APAF1: variants seen among roughly 807,000 people sequenced by gnomAD.
APAF1 encodes apoptotic protease-activating factor 1.
APAF1 carries 91 observed loss-of-function variants against 152.4 expected under a neutral mutation model. The observed-to-expected ratio is 0.60, with a 90% CI of 0.50 to 0.71. The LOEUF is 0.71. Among genes scored for constraint, APAF1 ranks in the 30% least tolerant of loss-of-function variants. The pLI is 0.00. For synonymous variants in APAF1, 484 were observed against 494.1 expected, an observed-to-expected ratio of 0.98 and a Z score of 0.27; for missense variants, 1,283 against 1,472.0, an observed-to-expected ratio of 0.87 and a Z score of 2.10.
At chr12:98,721,663 T>C (rs1253745489) in intron 22 of APAF1, among the ~76,000 whole-genome samples, 1 of 152,222 alleles carries the variant, frequency 6.6e-6, no homozygotes, top group African/African-American at 2.4e-5. Flanking sequence ...CAGTTCGTCT[T>C]CTAAAGTTCT....
intron 3 of APAF1, 145 bp downstream of exon 3, chr12:98,648,960 ATAT>A (rs2097645692): frequency 1.1e-6 from 1 of 879,942 alleles, no homozygotes; most frequent in Admixed American, 2.0e-5. Context: ...TTCAATTTAA[ATAT>A]TTTTTATTTG....
intron 15 of APAF1, 48 bp downstream of exon 15, chr12:98,683,322 C>T: frequency 6.3e-7 from 1 of 1,576,978 alleles, no homozygotes; most frequent in Non-Finnish European, 8.7e-7. Flanking sequence ...ATTCGTACAT[C>T]AGAGTATCTC....
intron 18 of APAF1, among the ~76,000 whole-genome samples, chr12:98,705,673 C>A (rs902805922): frequency 6.6e-6 from 1 of 152,098 alleles, no homozygotes; most frequent in African/African-American, 2.4e-5. Context: ...GATAAAATAC[C>A]AGGCTGCTGG....
intron 4 of APAF1, among the ~76,000 whole-genome samples, chr12:98,653,473 AT>A (rs2097651470): frequency 6.6e-6 from 1 of 150,764 alleles, no homozygotes; most frequent in South Asian, 2.1e-4. Flanking sequence ...CCTGGCCAAC[AT>A]GGTGAAACCC....
At chr12:98,673,461 A>AAAAAAAAAC (rs1565868653) in intron 12 of APAF1, among the ~76,000 whole-genome samples, 2 of 151,618 alleles carry the variant, frequency 1.3e-5, no homozygotes, top group African/African-American at 4.9e-5. Context: ...AAAAAACAAA[A>AAAAAAAAAC]AAAAAACCTT....
rs1387975195 is a variant in APAF1, at chr12:98,680,301, A to G, written c.1945A>G (p.Lys649Glu). Residue 649 changes from lysine (K) to glutamate (E), a missense_variant, in exon 14 of 27, where the codon AAA (lysine) becomes GAA (glutamate). Coordinates refer to ENST00000551964, the MANE Select transcript of APAF1 (RefSeq NM_181861.2). ...GGTGTTCAAAGCTGAAACAGGAGAG[A>G]AACTTCTAGAAATCAAGGCTCATGA... ...LQVFKAETGE[K>E]LLEIKAHEDE... 6.8e-6 allele frequency: 11 copies of G among 1,610,626 alleles called. No individual in the cohort carries two copies. The highest frequency in any genetic ancestry group is 1.7e-5 in the Admixed American group (1 of 59,672).
intron 19 of APAF1, among the ~76,000 whole-genome samples, chr12:98,708,293 G>A (rs2097724060): frequency 6.6e-6 from 1 of 152,174 alleles, no homozygotes; most frequent in Non-Finnish European, 1.5e-5. Context: ...ATAACCAGCA[G>A]GAGGTCTTTA....
chr12:98,666,947 A>G (rs1361665673), intron 9 of APAF1, among the ~76,000 whole-genome samples: 2 of 151,596 alleles, frequency 1.3e-5, no homozygotes, highest in African/African-American at 2.4e-5. Context: ...TGGCCTCCCA[A>G]AGTGCTGAGA....
At chr12:98,729,705 T>C (rs2097757384) in intron 26 of APAF1, among the ~76,000 whole-genome samples, 4 of 152,246 alleles carry the variant, frequency 2.6e-5, no homozygotes, top group Admixed American at 2.0e-4. Context: ...TAGGAGATGA[T>C]TCTCATTAAT....
chr12:98,652,778 C>T (rs1015190900), intron 4 of APAF1, among the ~76,000 whole-genome samples: 18 of 152,198 alleles, frequency 1.2e-4, no homozygotes, highest in African/African-American at 4.1e-4. Flanking sequence ...AGGCACCCAC[C>T]ACCACGCCTG....
At chr12:98,717,011 G>A (rs1265493779) in intron 22 of APAF1, among the ~76,000 whole-genome samples, 11 of 151,104 alleles carry the variant, frequency 7.3e-5, no homozygotes, top group East Asian at 4.0e-4. Flanking sequence ...GATTACAGCC[G>A]TATGCCACCA....
intron 18 of APAF1, among the ~76,000 whole-genome samples, chr12:98,704,026 A>G (rs2097718637): frequency 6.6e-6 from 1 of 152,234 alleles, no homozygotes; most frequent in African/African-American, 2.4e-5. Flanking sequence ...TTCAGAATGT[A>G]TACCTAGCTG....
chr12:98,663,207 T>C lies in APAF1; in HGVS notation c.955+401T>C, dbSNP rs531596999. On this transcript the variant is annotated intron_variant, in intron 7 of 26. Transcript: ENST00000551964. ...TTTTTTTTTAGCGAAGTTAAACTTT[T>C]TACTTGTTTATTGAATACGTTTTAA... Among the ~76,000 whole-genome samples, 277 of 152,328 alleles carry C rather than the reference T, an allele frequency of 1.8e-3. 1 individual carries two copies. The highest frequency in any genetic ancestry group is 6.4e-3 in the African/African-American group (266 of 41,584).
intron 12 of APAF1, among the ~76,000 whole-genome samples, chr12:98,674,779 T>G (rs929562726): frequency 6.6e-6 from 1 of 152,204 alleles, no homozygotes; most frequent in African/African-American, 2.4e-5. Context: ...TTAGTGTATA[T>G]ATGTATATAA....
chr12:98,653,963 A>G (rs1172282660), intron 4 of APAF1, among the ~76,000 whole-genome samples: 1 of 151,870 alleles, frequency 6.6e-6, no homozygotes, highest in Non-Finnish European at 1.5e-5. Context: ...TTATTAGATT[A>G]TTAATTGCTA....
intron 16 of APAF1, among the ~76,000 whole-genome samples, chr12:98,696,965 C>G (rs905466344): frequency 6.6e-6 from 1 of 152,156 alleles, no homozygotes; most frequent in Non-Finnish European, 1.5e-5. Flanking sequence ...ACAGATGAAC[C>G]ATGAAAATCA....
chr12:98,690,417 A>T (rs1488413007), intron 16 of APAF1, among the ~76,000 whole-genome samples: 1 of 152,152 alleles, frequency 6.6e-6, no homozygotes, highest in Non-Finnish European at 1.5e-5. Flanking sequence ...ATACCCGTGG[A>T]TGGATTTAGG....
At chr12:98,714,627 G>A (rs915556589) in intron 21 of APAF1, among the ~76,000 whole-genome samples, 4 of 152,172 alleles carry the variant, frequency 2.6e-5, no homozygotes, top group South Asian at 2.1e-4. Context: ...CGTTCATCCC[G>A]CTCATTTAGG....
At chr12:98,656,188 A>G (rs917540006) in intron 4 of APAF1, among the ~76,000 whole-genome samples, 1 of 152,142 alleles carries the variant, frequency 6.6e-6, no homozygotes, top group Non-Finnish European at 1.5e-5. Context: ...TTGGCCTCCC[A>G]AAGTGCTGGG....
Sources: gnomAD v4.1 joint callset for allele counts (sites outside exome capture counted in the v4.1 genomes callset) on GRCh38, gnomAD v4.1.1 for gene constraint, MANE v1.5 for transcripts, NCBI Gene and HGNC (gene_info 2026-07-23, HGNC 2026-07-21) for gene names.